HGFAC: variants seen among roughly 807,000 people sequenced by gnomAD.
HGFAC encodes hepatocyte growth factor activator serine protease.
In HGFAC, 76 loss-of-function variants were observed where a neutral mutation model predicts 70.6. The observed-to-expected ratio is 1.08, with a 90% CI of 0.89 to 1.30. The LOEUF is 1.30. Among genes scored for constraint, HGFAC ranks in the 50% most tolerant of loss-of-function variants. HGFAC has a pLI of 0.00. For synonymous variants in HGFAC, 464 were observed against 405.3 expected (o/e 1.14, Z -1.74); for missense variants, 1,044 against 933.7 (o/e 1.12, Z -1.54).
intron 13 of HGFAC, among the ~76,000 whole-genome samples, 191 bp from the exon 14 acceptor site, chr4:3,449,046 G>T (rs1355229404): frequency 2.0e-5 from 3 of 152,138 alleles, no homozygotes; most frequent in Non-Finnish European, 4.4e-5. Context: ...GGAATAACGT[G>T]GTTGGATGCC....
chr4:3,443,361 A>G lies in HGFAC; in HGVS notation c.416A>G (p.Tyr139Cys), dbSNP rs1159855555. The G allele has an allele frequency of 6.5e-7, 1 of 1,540,502 alleles. No individual in the cohort carries two copies. Among genetic ancestry groups the G allele is most frequent in the African/African-American group, 1.4e-5 (1 of 72,646 alleles). Residue 139 changes from tyrosine to cysteine, a missense_variant, in exon 4 of 14, where the codon TAC becomes TGC. Physicochemically the swap from Tyr to Cys is radical, Grantham distance 194. Coordinates refer to ENST00000382774, the MANE Select transcript of HGFAC (RefSeq NM_001528.4). The stretch of plus-strand genomic sequence containing the variant: ...CCCAGGTGTGCCACAACTCACAACT[A>G]CGACCGGGACAGGGCCTGGGGCTAC... ...HRKWCATTHNYDRDRAWGYCV... is the reference protein window; with the variant it reads ...HRKWCATTHNCDRDRAWGYCV...
intron 1 of HGFAC, 119 bp from the exon 2 acceptor site, chr4:3,442,613 A>G: frequency 1.6e-6 from 1 of 631,036 alleles, no homozygotes. Context: ...TCCTCCTGGA[A>G]CCTGCTCCGA....
rs757338847 is a variant in HGFAC, at chr4:3,447,523, G to C, written c.1387G>C (p.Gly463Arg). Residue 463 changes from glycine (G) to arginine (R), a missense_variant, in exon 11 of 14, where the codon GGC (glycine) becomes CGC (arginine). Coordinates refer to ENST00000382774, the MANE Select transcript of HGFAC (RefSeq NM_001528.4). ...CAGGGACAGCGTCTCCGTGGTGCTGGGCCAGCACTTCTTCAACCGCACGAC... is the reference window on the plus strand; with the variant it reads ...CAGGGACAGCGTCTCCGTGGTGCTGCGCCAGCACTTCTTCAACCGCACGAC... ...PPRDSVSVVLGQHFFNRTTDV... is the reference protein window; with the variant it reads ...PPRDSVSVVLRQHFFNRTTDV... 7 of 1,612,542 alleles carry C rather than the reference G, an allele frequency of 4.3e-6. No individual in the cohort carries two copies. The highest frequency in any genetic ancestry group is 5.9e-6 in the Non-Finnish European group (7 of 1,179,908).
intron 10 of HGFAC, among the ~76,000 whole-genome samples, chr4:3,447,183 GC>G (rs1725538903): frequency 1.3e-5 from 2 of 152,170 alleles, no homozygotes; most frequent in Non-Finnish European, 2.9e-5. Flanking sequence ...ACTCGGGTCG[GC>G]CTTGCAGCCG....
intron 13 of HGFAC, 106 bp downstream of exon 13, chr4:3,448,382 A>T: frequency 7.3e-7 from 1 of 1,364,596 alleles, no homozygotes; most frequent in East Asian, 2.5e-5. Flanking sequence ...CGGCACCCCA[A>T]CCTGGCAGGG....
Position 3,449,301 on chromosome 4 carries a change from G to A in HGFAC, c.1850G>A (p.Ser617Asn). The change falls in exon 14 of 14, where the codon AGC becomes AAC. Residue 617 changes from serine (S) to asparagine (N), a missense_variant. Transcript: ENST00000382774. ...GTGGCTTACCTCTACGGCATCATCA[G>A]CTGGGGTGACGGCTGCGGGCGGCTC... ...NGVAYLYGII[S>N]WGDGCGRLHK... is the part of the protein sequence containing the mutation. 6.2e-7 allele frequency: 1 copy of A among 1,612,522 alleles called. No individual in the cohort carries two copies. The highest frequency in any genetic ancestry group is 8.5e-7 in the Non-Finnish European group (1 of 1,179,682).
chr4:3,442,252 G>A (rs1480345577), intron 1 of HGFAC, 134 bp downstream of exon 1: 10 of 657,868 alleles, frequency 1.5e-5, no homozygotes, highest in South Asian at 4.2e-5. Flanking sequence ...GGGGGCTTAC[G>A]TTGAAAGCTG....
At position 3,444,917 on chromosome 4, in the gene HGFAC, C is replaced by A; in HGVS notation, c.940C>A (p.Leu314Met). ...CAGCTGCCTGGCCTGGAACTCCGAT[C>A]TGCTCTACCAGGAGCTGCACGTGGA... ...GLSCLAWNSD[L>M]LYQELHVDSV... Residue 314 changes from leucine to methionine, a missense_variant, in exon 8 of 14, where the codon CTG becomes ATG. Leu to Met is a conservative substitution (Grantham distance 15). Transcript: ENST00000382774. 4.3e-6 allele frequency: 7 copies of A among 1,609,754 alleles called. 1 individual carries two copies. The highest frequency in any genetic ancestry group is 5.9e-6 in the Non-Finnish European group (7 of 1,178,836).
chr4:3,442,881 A>T lies in HGFAC; in HGVS notation c.267A>T (p.Ala89=). 1 of 1,567,192 alleles carries T rather than the reference A, an allele frequency of 6.4e-7. No individual in the cohort carries two copies. The highest frequency in any genetic ancestry group is 8.6e-7 in the Non-Finnish European group (1 of 1,160,802). ...QSGGLPPPPR[A]VPSSSSPQAQ... is the part of the protein sequence containing the mutation. ...GGGGGCTCCCGCCCCCGCCCAGGGC[A>T]GTTCCCTCGAGCAGTAGCCCCCAGG... Residue 89 remains alanine, a synonymous_variant, in exon 2 of 14, where the codon GCA becomes GCT. Coordinates refer to ENST00000382774, the MANE Select transcript of HGFAC (RefSeq NM_001528.4).
intron 11 of HGFAC, 97 bp from the exon 12 acceptor site, chr4:3,447,798 G>A (rs1347782746): frequency 1.3e-6 from 2 of 1,548,938 alleles, no homozygotes; most frequent in Non-Finnish European, 1.8e-6. Flanking sequence ...AGGCTGCCCT[G>A]TGGACCCCAC....
At chr4:3,443,571 A>C in intron 4 of HGFAC, 151 bp downstream of exon 4, 1 of 519,122 alleles carries the variant, frequency 1.9e-6, no homozygotes, top group Non-Finnish European at 3.3e-6. Context: ...GGTGCCACTT[A>C]GGGCCAGAGC....
chr4:3,445,724 G>T, intron 9 of HGFAC: 1 of 766,776 alleles, frequency 1.3e-6, no homozygotes, highest in Non-Finnish European at 2.1e-6. Flanking sequence ...CCCCGGCGGG[G>T]CCAGCCCGGG....
Position 3,441,984 on chromosome 4 carries a change from C to G in HGFAC, c.-18C>G. 7.1e-7 allele frequency: 1 copy of G among 1,413,920 alleles called. No homozygotes were observed. 87.6% of individuals were successfully genotyped at this position (1,413,920 alleles called of 1,614,324 possible). The stretch of plus-strand genomic sequence containing the variant: ...TCTGCTCCCGCCTCCCACTGCCCCT[C>G]AGGCCAGCTCAGGAGCCATGGGGCG... On this transcript the variant is annotated 5_prime_UTR_variant, in exon 1 of 14. Coordinates refer to ENST00000382774, the MANE Select transcript of HGFAC (RefSeq NM_001528.4). The surrounding 1 kb of genome is among the most constrained non-coding windows in gnomAD (Gnocchi z 6.0).
chr4:3,444,557 G>T, intron 6 of HGFAC, 66 bp from the exon 7 acceptor site: 4 of 1,505,230 alleles, frequency 2.7e-6, no homozygotes, highest in Non-Finnish European at 3.6e-6. Context: ...GGTGGACCCC[G>T]GCCCCGACTC....
In HGFAC at chr4:3,444,133, G is replaced by A. The variant is rs1725406147; in HGVS notation, c.570G>A (p.Arg190=). 1.2e-6 allele frequency: 2 copies of A among 1,611,052 alleles called. No individual in the cohort carries two copies. The highest frequency in any genetic ancestry group is 1.7e-6 in the Non-Finnish European group (2 of 1,179,232). The change falls in exon 5 of 14, where the codon CGG becomes CGA. Residue 190 remains arginine, a synonymous_variant. Coordinates refer to ENST00000382774, the MANE Select transcript of HGFAC (RefSeq NM_001528.4). The stretch of plus-strand genomic sequence containing the variant: ...AGTCCTATCACTGCAGCTGCCCCCG[G>A]GCCTTCACCGGCAAGGACTGCGGCA... The part of the protein sequence containing the change: ...DPQSYHCSCP[R]AFTGKDCGTE...
chr4:3,444,982 T>G lies in HGFAC; in HGVS notation c.1005T>G (p.His335Gln). Residue 335 changes from histidine to glutamine, a missense_variant, in exon 8 of 14, where the codon CAT (histidine) becomes CAG (glutamine). By Grantham distance (24) the His-to-Gln change is conservative. Transcript: ENST00000382774. Reference protein sequence around the residue: ...GAAALLGLGPHAYCRNPDNDE... With the variant: ...GAAALLGLGPQAYCRNPDNDE... Reference sequence around the variant, plus strand: ...CGGCCCTGCTGGGCCTGGGCCCCCATGCCTACTGCCGGTCAGCACCACGCC... The same window carrying G: ...CGGCCCTGCTGGGCCTGGGCCCCCAGGCCTACTGCCGGTCAGCACCACGCC... 1 of 1,592,250 alleles carries G rather than the reference T, an allele frequency of 6.3e-7. No individual in the cohort carries two copies. The highest frequency in any genetic ancestry group is 8.5e-7 in the Non-Finnish European group (1 of 1,171,650).
rs1288132621 is a variant in HGFAC, at chr4:3,445,299, G to A, written c.1051G>A (p.Val351Met). 9.4e-6 allele frequency: 15 copies of A among 1,589,180 alleles called. No individual in the cohort carries two copies. The highest frequency in any genetic ancestry group is 1.7e-4 in the Middle Eastern group (1 of 6,048). The stretch of plus-strand genomic sequence containing the variant: ...CAATGACGAGAGGCCCTGGTGCTAC[G>A]TGGTGAAGGACAGCGCGCTCTCCTG... ...PDNDERPWCY[V>M]VKDSALSWEY... Residue 351 changes from valine to methionine, a missense_variant, in exon 9 of 14, where the codon GTG becomes ATG. Physicochemically the swap from Val to Met is conservative, Grantham distance 21. Transcript: ENST00000382774.
At chr4:3,447,704 G>A in intron 11 of HGFAC, 73 bp downstream of exon 11, 1 of 1,591,994 alleles carries the variant, frequency 6.3e-7, no homozygotes, top group South Asian at 1.1e-5. Context: ...CCCAGACAGG[G>A]GCAGGAGCTG....
rs571436386 is a variant in HGFAC at position 3,444,370 on chromosome 4, G to A, written c.658G>A (p.Val220Met). 10 of 1,602,608 alleles carry A rather than the reference G, an allele frequency of 6.2e-6. No homozygotes were observed. Among genetic ancestry groups the A allele is most frequent in the Middle Eastern group, 1.7e-4 (1 of 6,030 alleles). Residue 220 changes from valine to methionine, a missense_variant, in exon 6 of 14, where the codon GTG becomes ATG. Physicochemically the swap from Val to Met is conservative, Grantham distance 21 (BLOSUM62 1). Transcript: ENST00000382774. ...GGAGGGGGGCGACCGCTGGGCCCGCGTGCGCCAGGGCCACGTGGAACAGTG... is the reference window on the plus strand; with the variant it reads ...GGAGGGGGGCGACCGCTGGGCCCGCATGCGCCAGGGCCACGTGGAACAGTG... ...YLEGGDRWAR[V>M]RQGHVEQCEC...
Sources: allele counts gnomAD v4.1 joint callset (sites outside exome capture counted in the v4.1 genomes callset), GRCh38; gene constraint gnomAD v4.1.1; non-coding constraint Gnocchi (gnomAD v3.1); transcripts MANE v1.5; gene names NCBI Gene and HGNC (gene_info 2026-07-23, HGNC 2026-07-21).